The following MAN1A2 variants were observed in gnomAD, a reference collection of about 807,000 sequenced individuals.
The protein encoded by MAN1A2 is mannosidase alpha class 1A member 2, also known as mannosyl-oligosaccharide 1,2-alpha-mannosidase IB.
MAN1A2 carries 26 observed loss-of-function variants against 75.7 expected under a neutral mutation model. The ratio of observed to expected loss-of-function variants is 0.34; its 90% confidence interval spans 0.25 to 0.48. The LOEUF is 0.48. Ranked by LOEUF, MAN1A2 falls within the 20% of genes least tolerant of loss-of-function variation. The pLI is 0.99. For synonymous variants in MAN1A2, 247 were observed against 264.6 expected (o/e 0.93, Z 0.65); for missense variants, 562 against 775.5 (o/e 0.72, Z 3.27).
Position 117,368,170 on chromosome 1 carries a change from C to G in MAN1A2, c.-14C>G. On this transcript the variant is annotated 5_prime_UTR_variant, in exon 1 of 13. Coordinates refer to ENST00000356554, the MANE Select transcript of MAN1A2 (RefSeq NM_006699.5). The stretch of plus-strand genomic sequence containing the variant: ...TGAGAACTTTCTAAAGTATTCTCTC[C>G]AAGAGCGTAAACGATGACTACCCCA... The G allele has an allele frequency of 1.9e-6, 3 of 1,599,178 alleles. No individual in the cohort carries two copies. Among genetic ancestry groups the G allele is most frequent in the Non-Finnish European group, 2.6e-6 (3 of 1,174,640 alleles).
chr1:117,387,841 C>T (rs1557929660), intron 1 of MAN1A2, among the ~76,000 whole-genome samples: 1 of 152,144 alleles, frequency 6.6e-6, no homozygotes, highest in Non-Finnish European at 1.5e-5. Flanking sequence ...TGTGTCCTCT[C>T]ATGGTCTTTT....
chr1:117,447,575 G>A (rs984555278), intron 6 of MAN1A2, among the ~76,000 whole-genome samples: 14 of 152,076 alleles, frequency 9.2e-5, no homozygotes, highest in African/African-American at 3.4e-4. Context: ...CTTAATAAGT[G>A]TGTGAGAATG....
In MAN1A2 at chr1:117,526,990, CTTTGTT is replaced by C. The variant is rs1652048665; in HGVS notation, c.*4034_*4039del. 6.7e-6 allele frequency: 1 copy of C among 149,276 alleles called. No homozygotes were observed. The highest frequency in any genetic ancestry group is 6.7e-5 in the Admixed American group (1 of 14,880). 9.2% of individuals were successfully genotyped at this position (149,276 alleles called of 1,614,324 possible). ...TTATACACAGATAATTTTTAATACT[CTTTGTT>C]AACAAACACAGTTGAAAACTGGTTT... On this transcript the variant is annotated 3_prime_UTR_variant, in exon 13 of 13. Coordinates refer to ENST00000356554, the MANE Select transcript of MAN1A2 (RefSeq NM_006699.5).
rs10560421 is a variant in MAN1A2, at chr1:117,463,518, T to TACAC, written c.1075-2799_1075-2796dup. On this transcript the variant is annotated intron_variant, in intron 7 of 12. Coordinates refer to ENST00000356554, the MANE Select transcript of MAN1A2 (RefSeq NM_006699.5). Reference sequence around the variant, plus strand: ...ATCCAAGAAGGGAGAAACACACACATACACACACACACACACACACGAGGA... The same window carrying TACAC: ...ATCCAAGAAGGGAGAAACACACACATACACACACACACACACACACACACGAGGA... Among the ~76,000 whole-genome samples, 296 of 150,446 alleles carry TACAC rather than the reference T, an allele frequency of 2.0e-3. 3 individuals carry two copies. Among genetic ancestry groups the TACAC allele is most frequent in the East Asian group, 0.017 (87 of 5,084 alleles).
intron 12 of MAN1A2, among the ~76,000 whole-genome samples, chr1:117,511,634 C>G (rs1012382496): frequency 2.0e-5 from 3 of 151,982 alleles, no homozygotes; most frequent in African/African-American, 7.2e-5. Flanking sequence ...GTCTGTTAGG[C>G]AAGAAAAGAA....
intron 4 of MAN1A2, among the ~76,000 whole-genome samples, chr1:117,419,954 T>C (rs1570728243): frequency 6.6e-6 from 1 of 152,198 alleles, no homozygotes; most frequent in East Asian, 1.9e-4. Context: ...GCCACACTTC[T>C]ACTTTAAAAA....
intron 1 of MAN1A2, among the ~76,000 whole-genome samples, chr1:117,382,888 T>C (rs1653399069): frequency 6.6e-6 from 1 of 152,228 alleles, no homozygotes; most frequent in Admixed American, 6.5e-5. Flanking sequence ...TGTTATGCAC[T>C]ACAATTTGCT....
chr1:117,438,104 CTG>C (rs1270992360), intron 5 of MAN1A2, among the ~76,000 whole-genome samples: 5 of 152,112 alleles, frequency 3.3e-5, no homozygotes, highest in African/African-American at 1.2e-4. Context: ...TACCACATAA[CTG>C]TGTTTCAGTC....
chr1:117,425,316 GA>G (rs556843323), intron 5 of MAN1A2, among the ~76,000 whole-genome samples: 3 of 151,630 alleles, frequency 2.0e-5, no homozygotes, highest in African/African-American at 7.3e-5. Flanking sequence ...AATTTCTCCA[GA>G]AAAAAAAGAA....
At position 117,440,555 on chromosome 1, in the gene MAN1A2, A is replaced by G. The variant is rs532423628; in HGVS notation, c.856-1676A>G. Among the ~76,000 whole-genome samples, 5 of 152,198 alleles carry G rather than the reference A, an allele frequency of 3.3e-5. No individual in the cohort carries two copies. The South Asian group carries it at 6.2e-4, about 19-fold the overall frequency. On this transcript the variant is annotated intron_variant, in intron 5 of 12. Coordinates refer to ENST00000356554, the MANE Select transcript of MAN1A2 (RefSeq NM_006699.5). ...ATTTATAAATTAAGATTTATATACT[A>G]TGTAAGGGATTTTTTCTCAATGACA...
At chr1:117,448,453 C>T (rs1014116095) in intron 6 of MAN1A2, among the ~76,000 whole-genome samples, 2 of 152,048 alleles carry the variant, frequency 1.3e-5, no homozygotes, top group African/African-American at 4.8e-5. Context: ...CAGTAAAGGA[C>T]TTTACATAGC....
At chr1:117,374,888 G>C (rs1225609150) in intron 1 of MAN1A2, among the ~76,000 whole-genome samples, 1 of 151,842 alleles carries the variant, frequency 6.6e-6, no homozygotes, top group Non-Finnish European at 1.5e-5. Flanking sequence ...TGTCTTTTTT[G>C]TATATAAAAA....
At position 117,522,911 on chromosome 1, in the gene MAN1A2, T is replaced by G. The variant is rs1408484189; in HGVS notation, c.1880T>G (p.Leu627Ter). 6.2e-7 allele frequency: 1 copy of G among 1,611,916 alleles called. No homozygotes were observed. The highest frequency in any genetic ancestry group is 8.5e-7 in the Non-Finnish European group (1 of 1,178,594). Residue 627 changes from leucine (L) to a stop codon, truncating the protein, a stop_gained, in exon 13 of 13, where the codon TTA becomes TGA. Coordinates refer to ENST00000356554, the MANE Select transcript of MAN1A2 (RefSeq NM_006699.5). LOFTEE classifies it high-confidence loss of function. ...ACAGAGGCTCACCCTCTGCCTGTGT[T>G]ACATTTAGCCAACACCACACTTTCA... ...FNTEAHPLPV[L>*]HLANTTLSGN...
chr1:117,415,270 A>G (rs1192870650), intron 4 of MAN1A2, among the ~76,000 whole-genome samples: 2 of 152,124 alleles, frequency 1.3e-5, no homozygotes, highest in African/African-American at 4.8e-5. Flanking sequence ...TATTTGAGAT[A>G]ATGTGGTACA....
At chr1:117,389,933 A>G (rs1653664212) in intron 1 of MAN1A2, among the ~76,000 whole-genome samples, 1 of 152,100 alleles carries the variant, frequency 6.6e-6, no homozygotes, top group Non-Finnish European at 1.5e-5. Context: ...GATTTGGTCA[A>G]ATACTTTTTC....
intron 8 of MAN1A2, among the ~76,000 whole-genome samples, chr1:117,483,487 T>G (rs1319858702): frequency 6.6e-6 from 1 of 152,112 alleles, no homozygotes; most frequent in Non-Finnish European, 1.5e-5. Flanking sequence ...AGGTATTTTA[T>G]TCTCTTTGTA....
chr1:117,429,695 G>A (rs1263826582), intron 5 of MAN1A2, among the ~76,000 whole-genome samples: 1 of 107,412 alleles, frequency 9.3e-6, no homozygotes, highest in African/African-American at 3.7e-5. Flanking sequence ...GGGGTGGCTG[G>A]CCGGGCAGGG....
At chr1:117,432,695 A>G (rs771577137) in intron 5 of MAN1A2, among the ~76,000 whole-genome samples, 4 of 152,076 alleles carry the variant, frequency 2.6e-5, no homozygotes, top group Non-Finnish European at 5.9e-5. Context: ...AAGAAATATC[A>G]TTCTTCCCCA....
intron 8 of MAN1A2, 70 bp downstream of exon 8, chr1:117,466,497 T>A: frequency 9.9e-7 from 1 of 1,012,190 alleles, no homozygotes. Context: ...CTTGATGTTG[T>A]AAAAAGTACA....
Sources: allele counts gnomAD v4.1 joint callset (sites outside exome capture counted in the v4.1 genomes callset), GRCh38; gene constraint gnomAD v4.1.1; transcripts MANE v1.5; gene names NCBI Gene and HGNC (gene_info 2026-07-23, HGNC 2026-07-21).